GUCY1A2: variants seen among roughly 807,000 people sequenced by gnomAD.
The protein encoded by GUCY1A2 is guanylate cyclase 1 soluble subunit alpha 2.
Under a neutral mutation model 63.5 loss-of-function variants are expected in GUCY1A2, and 27 were observed. The ratio of observed to expected loss-of-function variants is 0.43; its 90% CI spans 0.31 to 0.59. The LOEUF is 0.59. GUCY1A2 is among the 20% of genes least tolerant of loss of function. The probability of loss-of-function intolerance (pLI) is 0.11; values close to 1 mark genes in which losing one functional copy is unlikely to be tolerated. For missense variants in GUCY1A2, 768 were observed against 913.3 expected (o/e 0.84, Z 2.05); for synonymous variants, 364 against 343.5 (o/e 1.06, Z -0.66).
chr11:106,769,877 A>G (rs1377730907), intron 6 of GUCY1A2, among the ~76,000 whole-genome samples: 2 of 152,046 alleles, frequency 1.3e-5, no homozygotes, highest in African/African-American at 4.8e-5. Context: ...TTTAATCTCA[A>G]TGTGATTAAA....
chr11:106,892,185 TA>T (rs975029757), intron 4 of GUCY1A2, among the ~76,000 whole-genome samples: 3 of 152,046 alleles, frequency 2.0e-5, no homozygotes, highest in East Asian at 1.9e-4. Flanking sequence ...AATTATTTAT[TA>T]AAAAATTATT....
At chr11:106,773,523 T>C (rs1207677827) in intron 6 of GUCY1A2, among the ~76,000 whole-genome samples, 1 of 152,220 alleles carries the variant, frequency 6.6e-6, no homozygotes, top group Non-Finnish European at 1.5e-5. Context: ...ACTTCCCTTG[T>C]ACATGTGTAA....
intron 1 of GUCY1A2, among the ~76,000 whole-genome samples, chr11:107,010,835 A>T (rs1232362926): frequency 2.6e-5 from 4 of 151,808 alleles, no homozygotes; most frequent in Non-Finnish European, 5.9e-5. Flanking sequence ...CTTTCAGGCT[A>T]TTCTCCTGCC....
intron 3 of GUCY1A2, among the ~76,000 whole-genome samples, chr11:106,952,232 A>T (rs1860919579): frequency 6.6e-6 from 1 of 152,102 alleles, no homozygotes; most frequent in African/African-American, 2.4e-5. Flanking sequence ...GTCTTCTTTG[A>T]TTCCATATGA....
chr11:106,755,356 G>A (rs960944894), intron 6 of GUCY1A2, among the ~76,000 whole-genome samples: 1 of 151,714 alleles, frequency 6.6e-6, no homozygotes, highest in African/African-American at 2.4e-5. Context: ...CTTCAATTCT[G>A]CTCTCATCTT....
At chr11:106,870,991 TATG>T (rs1270851826) in intron 4 of GUCY1A2, among the ~76,000 whole-genome samples, 3 of 152,174 alleles carry the variant, frequency 2.0e-5, no homozygotes, top group Non-Finnish European at 2.9e-5. Flanking sequence ...ATTGGCTTAT[TATG>T]ATAAGCTTCT....
chr11:106,804,151 T>C (rs1165053785), intron 5 of GUCY1A2, among the ~76,000 whole-genome samples: 1 of 152,238 alleles, frequency 6.6e-6, no homozygotes, highest in Non-Finnish European at 1.5e-5. Context: ...TAAATGTTTA[T>C]TGAGTGAATG....
At chr11:106,826,654 A>C (rs1028015328) in intron 4 of GUCY1A2, 1 of 1,608,260 alleles carries the variant, frequency 6.2e-7, no homozygotes, top group African/African-American at 1.3e-5. Flanking sequence ...ATAGTTAAAA[A>C]ATTTTGTCAC....
At chr11:106,879,428 T>C (rs957448527) in intron 4 of GUCY1A2, among the ~76,000 whole-genome samples, 7 of 152,116 alleles carry the variant, frequency 4.6e-5, no homozygotes, top group African/African-American at 1.7e-4. Context: ...AGAAAAGCTT[T>C]AGGAGTTTAG....
At chr11:106,907,397 CTTTTT>C (rs1025570043) in intron 4 of GUCY1A2, among the ~76,000 whole-genome samples, 2 of 148,372 alleles carry the variant, frequency 1.3e-5, no homozygotes, top group African/African-American at 2.5e-5. Context: ...CACAGCAATT[CTTTTT>C]TTTAATTTTA....
intron 4 of GUCY1A2, among the ~76,000 whole-genome samples, chr11:106,871,245 T>C (rs900840256): frequency 6.6e-6 from 1 of 152,170 alleles, no homozygotes; most frequent in Non-Finnish European, 1.5e-5. Context: ...AAGATGAGTA[T>C]ATTTTGATCT....
At chr11:106,957,368 C>T (rs1860999907) in intron 3 of GUCY1A2, among the ~76,000 whole-genome samples, 1 of 152,058 alleles carries the variant, frequency 6.6e-6, no homozygotes, top group East Asian at 1.9e-4. Flanking sequence ...AAGCAGACTC[C>T]AGCTGAGAGG....
chr11:106,684,123 G>A lies in GUCY1A2; in HGVS notation c.*3426C>T. On this transcript the variant is annotated 3_prime_UTR_variant, in exon 8 of 8. Transcript: ENST00000526355. ...TATTCACACTAAACTACTGTGTCCT[G>A]ACACCGTTGTTACTGGACAAGAGGA... 1 of 184,450 alleles carries A rather than the reference G, an allele frequency of 5.4e-6. No individual in the cohort carries two copies. Among genetic ancestry groups the A allele is most frequent in the East Asian group, 8.8e-5 (1 of 11,384 alleles). The allele number at this position is 184,450 out of a possible 1,614,324, so 11.4% of individuals were successfully genotyped here. A position where few individuals can be genotyped will look rare whatever the true frequency, so the allele number is the denominator to read the frequency against.
chr11:106,826,740 A>G (rs1444514077), intron 4 of GUCY1A2: 44 of 1,610,746 alleles, frequency 2.7e-5, no homozygotes, highest in African/African-American at 4.0e-5. Context: ...ACTTTGCTGC[A>G]TACCATCCCA....
chr11:106,993,011 T>C (rs1338645061), intron 1 of GUCY1A2, among the ~76,000 whole-genome samples: 11 of 152,204 alleles, frequency 7.2e-5, no homozygotes, highest in Non-Finnish European at 1.6e-4. Flanking sequence ...TACTACCTTG[T>C]TCTAAGATGA....
chr11:106,911,308 A>G (rs1427139263), intron 4 of GUCY1A2, among the ~76,000 whole-genome samples: 3 of 152,100 alleles, frequency 2.0e-5, no homozygotes, highest in African/African-American at 4.8e-5. Context: ...TTGATGATCC[A>G]GGAACACGGA....
At chr11:106,816,351 AT>A (rs1317957776) in intron 4 of GUCY1A2, among the ~76,000 whole-genome samples, 1 of 151,622 alleles carries the variant, frequency 6.6e-6, no homozygotes, top group East Asian at 2.0e-4. Context: ...CAATGTGAAA[AT>A]GAAACAACAC....
chr11:106,957,871 T>C (rs1175428854), intron 3 of GUCY1A2, among the ~76,000 whole-genome samples: 1 of 76,594 alleles, frequency 1.3e-5, no homozygotes, highest in Non-Finnish European at 2.8e-5. Context: ...TTTTTTTTTT[T>C]TTTTTTTTTT....
intron 7 of GUCY1A2, 101 bp from the exon 8 acceptor site, chr11:106,687,857 A>C (rs573145582): frequency 4.0e-6 from 3 of 743,294 alleles, no homozygotes; most frequent in Non-Finnish European, 7.1e-6. Flanking sequence ...CTGACTGTTC[A>C]TGGTAATACC....
Sources: allele counts gnomAD v4.1 joint callset (sites outside exome capture counted in the v4.1 genomes callset), GRCh38; gene constraint gnomAD v4.1.1; transcripts MANE v1.5; gene names NCBI Gene and HGNC (gene_info 2026-07-23, HGNC 2026-07-21).